ZNF709: variants seen among roughly 807,000 people sequenced by gnomAD.
ZNF709 encodes zinc finger protein 709.
A neutral mutation model predicts 10.6 loss-of-function variants in ZNF709; 15 were observed. That is an observed-to-expected ratio of 1.41 (90% CI 0.95 to 2.18). The LOEUF is 2.18. Among genes scored for constraint, ZNF709 ranks in the 30% most tolerant of loss-of-function variants. The pLI is 0.00. For missense variants in ZNF709, 589 were observed against 774.0 expected (o/e 0.76, Z 2.84); for synonymous variants, 194 against 238.8 (o/e 0.81, Z 1.73).
At chr19:12,475,474 T>G (rs951185103) in intron 1 of ZNF709, among the ~76,000 whole-genome samples, 1 of 151,900 alleles carries the variant, frequency 6.6e-6, no homozygotes, top group Non-Finnish European at 1.5e-5. Context: ...ATATCACAAA[T>G]GTAAGTGGGA....
At chr19:12,470,020 G>C (rs1262118457) in intron 1 of ZNF709, among the ~76,000 whole-genome samples, 1 of 152,166 alleles carries the variant, frequency 6.6e-6, no homozygotes, top group Non-Finnish European at 1.5e-5. Context: ...AAAGGGTTCA[G>C]CAGTGCTGTC....
chr19:12,465,457 A>T lies in ZNF709; in HGVS notation c.465T>A (p.Phe155Leu). 6.2e-7 allele frequency: 1 copy of T among 1,611,088 alleles called. No individual in the cohort carries two copies. The highest frequency in any genetic ancestry group is 1.3e-5 in the African/African-American group (1 of 74,832). The change falls in exon 4 of 4, where the codon TTT becomes TTA. Residue 155 changes from phenylalanine (F) to leucine (L), a missense_variant. This residue lies in a region of ZNF709 where 418 missense variants were observed against 496.3 expected (regional missense o/e 0.84). Transcript: ENST00000397732. ...CAGTGTGAGTTCTTTCATGTATTCG[A>T]AATGAACTTCGAAAGCTGAATCTTT... ...CGKRFSFRSSFRIHERTHTGE... is the reference protein window; with the variant it reads ...CGKRFSFRSSLRIHERTHTGE...
intron 1 of ZNF709, among the ~76,000 whole-genome samples, chr19:12,479,039 A>G (rs1250587235): frequency 1.3e-5 from 2 of 152,262 alleles, no homozygotes; most frequent in Non-Finnish European, 2.9e-5. Context: ...ACAGTGGTTT[A>G]TACCTATAAC....
At chr19:12,482,016 G>GGAAGAA (rs1287733119) in intron 1 of ZNF709, among the ~76,000 whole-genome samples, 2 of 147,670 alleles carry the variant, frequency 1.4e-5, no homozygotes, top group Admixed American at 1.4e-4. Flanking sequence ...GGAAAGGAAA[G>GGAAGAA]GGAAAGGAAA....
At position 12,465,744 on chromosome 19, in the gene ZNF709, A is replaced by C; in HGVS notation, c.189-11T>G. 6.8e-7 allele frequency: 1 copy of C among 1,477,168 alleles called. No individual in the cohort carries two copies. The highest frequency in any genetic ancestry group is 1.9e-4 in the Middle Eastern group (1 of 5,194). The allele number at this position is 1,477,168 out of a possible 1,614,324, so 91.5% of individuals were successfully genotyped here. ...TCTACCATATGACTTCTGTGAGAAA[A>C]AAACAAAACAAAACGCACAATTAGT... On this transcript the variant is annotated splice_polypyrimidine_tract_variant and intron_variant, in intron 3 of 3. Transcript: ENST00000397732.
In ZNF709 at chr19:12,465,418, A is replaced by G. The variant is rs778366933; in HGVS notation, c.504T>C (p.Tyr168=). ...HERTHTGEKP[Y]KCKQCGKAFS... ...AAGCCTTACCACACTGTTTACATTTATAGGGTTTCTCTCCAGTGTGAGTTC... is the reference window on the plus strand; with the variant it reads ...AAGCCTTACCACACTGTTTACATTTGTAGGGTTTCTCTCCAGTGTGAGTTC... Residue 168 remains tyrosine, a synonymous_variant, in exon 4 of 4, where the codon TAT becomes TAC. Transcript: ENST00000397732. 2 of 1,613,616 alleles carry G rather than the reference A, an allele frequency of 1.2e-6. No homozygotes were observed. Among genetic ancestry groups the G allele is most frequent in the South Asian group, 1.1e-5 (1 of 90,966 alleles).
chr19:12,472,925 C>T (rs150364733), intron 1 of ZNF709, among the ~76,000 whole-genome samples: 1 of 151,890 alleles, frequency 6.6e-6, no homozygotes, highest in Non-Finnish European at 1.5e-5. Context: ...TTCCTTGATA[C>T]AGCCAAATGA....
chr19:12,483,797 TTAAG>T (rs1271706832), intron 1 of ZNF709, among the ~76,000 whole-genome samples: 6 of 152,220 alleles, frequency 3.9e-5, no homozygotes, highest in Middle Eastern at 3.4e-3. Context: ...TGAGAATCAA[TTAAG>T]TGAGTAAATC....
intron 1 of ZNF709, among the ~76,000 whole-genome samples, chr19:12,474,983 C>A (rs985197631): frequency 2.0e-5 from 3 of 152,050 alleles, no homozygotes; most frequent in African/African-American, 7.2e-5. Flanking sequence ...CCTGGCCAGG[C>A]ACAGTGGCTA....
chr19:12,468,121 C>T (rs1304887459), intron 1 of ZNF709, among the ~76,000 whole-genome samples: 1 of 151,492 alleles, frequency 6.6e-6, no homozygotes, highest in South Asian at 2.1e-4. Context: ...AGGTGGGGGG[C>T]GCCTCTGCCT....
chr19:12,483,328 T>TTTTTTTTTTTTA (rs1568250205), intron 1 of ZNF709, among the ~76,000 whole-genome samples: 1 of 134,624 alleles, frequency 7.4e-6, no homozygotes, highest in Non-Finnish European at 1.6e-5. Context: ...TTTTTTTTTT[T>TTTTTTTTTTTTA]TTTCTAGTAG....
At chr19:12,467,081 A>G (rs1319769092) in intron 1 of ZNF709, among the ~76,000 whole-genome samples, 1 of 152,156 alleles carries the variant, frequency 6.6e-6, no homozygotes, top group African/African-American at 2.4e-5. Flanking sequence ...ATGCTCTCCA[A>G]TGACAGGATA....
rs142976787 is a variant in ZNF709 at position 12,475,777 on chromosome 19, C to T, written c.3+8878G>A. 1.2e-3 allele frequency among the ~76,000 whole-genome samples: 187 copies of T among 152,188 alleles called. 1 individual carries two copies. The highest frequency in any genetic ancestry group is 4.4e-3 in the African/African-American group (181 of 41,504). ...AACAAAGAAATATCACTGTCTTTGT[C>T]GCATGTGACATGATTGTCTAAGTAG... On this transcript the variant is annotated intron_variant, in intron 1 of 3. Coordinates refer to ENST00000397732, the MANE Select transcript of ZNF709 (RefSeq NM_152601.4).
rs760464242 is a variant in ZNF709 at position 12,464,853 on chromosome 19, T to C, written c.1069A>G (p.Met357Val). ...SLPSYRRHMI[M>V]HTGNGPYKCK... ...TTATAAGGTCCATTTCCAGTGTGCA[T>C]TATCATATGTCTTCGATAGCTTGGA... The change falls in exon 4 of 4, where the codon ATG (methionine) becomes GTG (valine). Residue 357 changes from methionine to valine, a missense_variant. By Grantham distance (21) the Met-to-Val change is conservative. Around this residue, in one of 2 missense-constraint regions of ZNF709, gnomAD observed 418 missense variants for 496.3 expected, o/e 0.84. Coordinates refer to ENST00000397732, the MANE Select transcript of ZNF709 (RefSeq NM_152601.4). 6 of 1,614,078 alleles carry C rather than the reference T, an allele frequency of 3.7e-6. No individual in the cohort carries two copies. The South Asian group carries it at 5.5e-5, about 15-fold the overall frequency.
intron 1 of ZNF709, among the ~76,000 whole-genome samples, chr19:12,468,518 C>CAA (rs1410927945): frequency 1.3e-5 from 2 of 151,266 alleles, no homozygotes; most frequent in Non-Finnish European, 2.9e-5. Context: ...GAGTCATCAC[C>CAA]ACTCCCTAAT....
intron 1 of ZNF709, among the ~76,000 whole-genome samples, chr19:12,468,132 G>C (rs1183285315): frequency 1.4e-5 from 2 of 144,826 alleles, no homozygotes; most frequent in Non-Finnish European, 3.0e-5. Context: ...GCCTCTGCCT[G>C]GCCGCCCCTT....
intron 1 of ZNF709, among the ~76,000 whole-genome samples, chr19:12,479,222 G>A (rs1970701088): frequency 6.6e-6 from 1 of 152,122 alleles, no homozygotes; most frequent in South Asian, 2.1e-4. Context: ...AAGATCACTT[G>A]AGCCCAGGAG....
chr19:12,465,906 T>C (rs140576557), intron 3 of ZNF709, among the ~76,000 whole-genome samples, 173 bp from the exon 4 acceptor site: 295 of 152,040 alleles, frequency 1.9e-3, no homozygotes, highest in African/African-American at 6.8e-3. Context: ...AGAGCTATTA[T>C]CAAAACAATA....
intron 1 of ZNF709, among the ~76,000 whole-genome samples, chr19:12,467,283 G>A (rs1197580519): frequency 7.2e-5 from 11 of 152,278 alleles, no homozygotes; most frequent in Admixed American, 2.0e-4. Flanking sequence ...GATTGCAGGC[G>A]CGCGCGCCGC....
Sources: gnomAD v4.1 joint callset for allele counts (sites outside exome capture counted in the v4.1 genomes callset) on GRCh38, gnomAD v4.1.1 for gene constraint, gnomAD v4.1.1 regional missense constraint, MANE v1.5 for transcripts, NCBI Gene and HGNC (gene_info 2026-07-23, HGNC 2026-07-21) for gene names.